The following DNAJC5 variants were observed in gnomAD, a reference collection of about 807,000 sequenced individuals.
DNAJC5 encodes DnaJ heat shock protein family (Hsp40) member C5, also known as dnaJ homolog subfamily C member 5.
A neutral mutation model predicts 23.2 loss-of-function variants in DNAJC5; 1 was observed. The ratio of observed to expected loss-of-function variants is 0.04; its 90% CI spans 0.02 to 0.20. DNAJC5 has a LOEUF of 0.20. Ranked by LOEUF, DNAJC5 falls within the 10% of genes least tolerant of loss-of-function variation. The probability of loss-of-function intolerance (pLI) is 1.00; values close to 1 mark genes in which losing one functional copy is unlikely to be tolerated. For synonymous variants in DNAJC5, 136 were observed against 120.0 expected (o/e 1.13, Z -0.87); for missense variants, 180 against 267.0 (o/e 0.67, Z 2.27).
intron 1 of DNAJC5, among the ~76,000 whole-genome samples, chr20:63,898,020 C>G (rs1022032618): frequency 1.3e-5 from 2 of 152,200 alleles, no homozygotes; most frequent in Non-Finnish European, 2.9e-5. Flanking sequence ...TACCACTGAG[C>G]CTGGTTGTAC....
At chr20:63,917,613 T>C (rs1200909177) in intron 1 of DNAJC5, among the ~76,000 whole-genome samples, 1 of 152,022 alleles carries the variant, frequency 6.6e-6, no homozygotes, top group East Asian at 1.9e-4. Flanking sequence ...TGGAGTGCAG[T>C]GGCGCGATCT....
In DNAJC5 at chr20:63,895,226, A is replaced by G. The variant is rs750302498; in HGVS notation, c.-109A>G. The G allele has an allele frequency of 1.2e-3, 182 of 149,670 alleles. 1 individual carries two copies. The highest frequency in any genetic ancestry group is 5.8e-3 in the South Asian group (33 of 5,650). 9.3% of individuals were successfully genotyped at this position (149,670 alleles called of 1,614,324 possible). ...GCCGCCGCCGCCGCCCGGGGTCTCC[A>G]GGCTGAGGAGTGCGTCGGCCGCTGC... On this transcript the variant is annotated 5_prime_UTR_variant, in exon 1 of 5. Transcript: ENST00000360864.
intron 1 of DNAJC5, among the ~76,000 whole-genome samples, chr20:63,909,376 G>A (rs569569751): frequency 6.6e-6 from 1 of 152,150 alleles, no homozygotes; most frequent in Non-Finnish European, 1.5e-5. Flanking sequence ...GGTGGCGGGC[G>A]CCTGTAGTCC....
rs981499477 is a variant in DNAJC5 at position 63,928,400 on chromosome 20, G to A, written c.55G>A (p.Val19Ile). The A allele has an allele frequency of 5.0e-6, 8 of 1,613,880 alleles. No homozygotes were observed. Among genetic ancestry groups the A allele is most frequent in the South Asian group, 2.2e-5 (2 of 91,084 alleles). ...TACCTCTGGGGAGTCATTGTACCAC[G>A]TCCTTGGGTTGGACAAGAACGCAAC... ...LSTSGESLYH[V>I]LGLDKNATSD... The change falls in exon 2 of 5, where the codon GTC (valine) becomes ATC (isoleucine). Residue 19 changes from valine (V) to isoleucine (I), a missense_variant. Around this residue, in one of 3 missense-constraint regions of DNAJC5, gnomAD observed 77 missense variants for 106.8 expected, o/e 0.72. Transcript: ENST00000360864. This position sits in a 1 kb window ranked among gnomAD's most constrained non-coding sequence, Gnocchi z 4.6.
chr20:63,911,041 A>G (rs984931339), intron 1 of DNAJC5, among the ~76,000 whole-genome samples: 5 of 152,148 alleles, frequency 3.3e-5, no homozygotes, highest in Non-Finnish European at 7.4e-5. Context: ...TTCTTTTTGA[A>G]TTACTGTATT....
Position 63,932,266 on chromosome 20 carries a change from C to T in DNAJC5, c.*698C>T, listed in dbSNP as rs1038848553. On this transcript the variant is annotated 3_prime_UTR_variant, in exon 5 of 5. Coordinates refer to ENST00000360864, the MANE Select transcript of DNAJC5 (RefSeq NM_025219.3). This position sits in a 1 kb window ranked among gnomAD's most constrained non-coding sequence, Gnocchi z 4.4. ...AGGAGGCCCCTTCCGAGGTTGACAC[C>T]GTGTCCTCCGCGGTGTTTCTCGCCT... is the stretch of plus-strand genomic sequence containing the variant. The T allele has an allele frequency of 3.9e-5, 6 of 153,596 alleles. No individual in the cohort carries two copies. The highest frequency in any genetic ancestry group is 8.7e-5 in the Non-Finnish European group (6 of 69,232). The allele number at this position is 153,596 out of a possible 1,614,324, so 9.5% of individuals were successfully genotyped here. A position where few individuals can be genotyped will look rare whatever the true frequency, so the allele number is the denominator to read the frequency against.
At chr20:63,899,788 A>T (rs530787084) in intron 1 of DNAJC5, among the ~76,000 whole-genome samples, 5 of 150,896 alleles carry the variant, frequency 3.3e-5, no homozygotes, top group East Asian at 2.0e-4. Flanking sequence ...TCGCGGTGTT[A>T]GCCAGGATGG....
intron 1 of DNAJC5, among the ~76,000 whole-genome samples, chr20:63,926,018 T>C (rs552554418): frequency 1.6e-3 from 237 of 152,038 alleles, no homozygotes; most frequent in African/African-American, 5.4e-3. Flanking sequence ...TTATTAGAGA[T>C]GGGGTTTCAC....
chr20:63,925,729 C>G (rs1405908597), intron 1 of DNAJC5, among the ~76,000 whole-genome samples: 1 of 146,708 alleles, frequency 6.8e-6, no homozygotes. Flanking sequence ...CGCACTCCAG[C>G]CTGGGCAACA....
At chr20:63,917,678 C>T (rs567774170) in intron 1 of DNAJC5, among the ~76,000 whole-genome samples, 1 of 152,248 alleles carries the variant, frequency 6.6e-6, no homozygotes, top group Admixed American at 6.5e-5. Context: ...GCCTCAGCCT[C>T]CTGAGTAGCT....
At chr20:63,899,829 T>TGC (rs2053399461) in intron 1 of DNAJC5, among the ~76,000 whole-genome samples, 1 of 150,478 alleles carries the variant, frequency 6.6e-6, no homozygotes, top group African/African-American at 2.4e-5. Flanking sequence ...GATCCGCCCA[T>TGC]CTTGGCCTCC....
intron 1 of DNAJC5, among the ~76,000 whole-genome samples, chr20:63,922,031 A>C (rs924614456): frequency 3.3e-5 from 5 of 152,058 alleles, no homozygotes; most frequent in African/African-American, 1.2e-4. Context: ...CAACCACCTC[A>C]GCCTCCCAAA....
At chr20:63,903,268 C>T (rs2053426384) in intron 1 of DNAJC5, among the ~76,000 whole-genome samples, 1 of 152,142 alleles carries the variant, frequency 6.6e-6, no homozygotes, top group Non-Finnish European at 1.5e-5. Flanking sequence ...ATCACCCTAA[C>T]CCTCAGTAAC....
chr20:63,908,179 C>T (rs1319363255), intron 1 of DNAJC5, among the ~76,000 whole-genome samples: 3 of 152,178 alleles, frequency 2.0e-5, no homozygotes, highest in African/African-American at 7.2e-5. Flanking sequence ...GTTGCAGAGG[C>T]ACTCTGAAAC....
intron 1 of DNAJC5, among the ~76,000 whole-genome samples, chr20:63,905,230 C>T (rs6010695): frequency 6.6e-6 from 1 of 151,740 alleles, no homozygotes; most frequent in Non-Finnish European, 1.5e-5. Context: ...ACTCTCCTGC[C>T]TCAGCCTCCT....
intron 1 of DNAJC5, among the ~76,000 whole-genome samples, chr20:63,925,743 C>T (rs74179824): frequency 0.013 from 1,627 of 126,856 alleles, 16 homozygotes; most frequent in Middle Eastern, 0.023. Context: ...GGCAACAAAG[C>T]GAGACTATCT....
At position 63,895,297 on chromosome 20, in the gene DNAJC5, A is replaced by C. The variant is rs2053366186; in HGVS notation, c.-38A>C. Reference sequence around the variant, plus strand: ...GGAGCGGAGCCGCGGAGCCGGCGGGAGGGCGGGCGGGCGGGCGGACGGGCA... The same window carrying C: ...GGAGCGGAGCCGCGGAGCCGGCGGGCGGGCGGGCGGGCGGGCGGACGGGCA... On this transcript the variant is annotated 5_prime_UTR_variant, in exon 1 of 5. Coordinates refer to ENST00000360864, the MANE Select transcript of DNAJC5 (RefSeq NM_025219.3). The C allele has an allele frequency of 7.1e-6, 1 of 141,466 alleles. No homozygotes were observed. The highest frequency in any genetic ancestry group is 1.9e-4 in the South Asian group (1 of 5,286). The allele number at this position is 141,466 out of a possible 1,614,324, so 8.8% of individuals were successfully genotyped here.
rs189170359 is a variant in DNAJC5 at position 63,901,109 on chromosome 20, C to T, written c.-12+5786C>T. Among the ~76,000 whole-genome samples the T allele has an allele frequency of 2.9e-4, 44 of 152,316 alleles. No individual in the cohort carries two copies. The East Asian group carries it at 5.4e-3, about 19-fold the overall frequency. On this transcript the variant is annotated intron_variant, in intron 1 of 4. Transcript: ENST00000360864. Reference sequence around the variant, plus strand: ...CCTCTTGAGTAACTGGAATTACAGGCGTGTGCCACCACGCCCAGCTAATTT... The same window carrying T: ...CCTCTTGAGTAACTGGAATTACAGGTGTGTGCCACCACGCCCAGCTAATTT...
chr20:63,913,105 C>CCTGCCCCGT (rs1555878050), intron 1 of DNAJC5, among the ~76,000 whole-genome samples: 88 of 151,810 alleles, frequency 5.8e-4, no homozygotes, highest in East Asian at 1.7e-3. Flanking sequence ...ACTGTCTCTC[C>CCTGCCCCGT]CAGAGGTGTT....
Sources: gnomAD v4.1 joint callset for allele counts (sites outside exome capture counted in the v4.1 genomes callset) on GRCh38, gnomAD v4.1.1 for gene constraint, gnomAD v4.1.1 regional missense constraint, Gnocchi (gnomAD v3.1) non-coding constraint, MANE v1.5 for transcripts, NCBI Gene and HGNC (gene_info 2026-07-23, HGNC 2026-07-21) for gene names.